Variants in KCNMA1 observed in about 807,000 individuals in gnomAD.
KCNMA1 encodes the protein potassium calcium-activated channel subfamily M alpha 1.
KCNMA1 carries 29 observed loss-of-function variants against 140.0 expected under a neutral mutation model. The ratio of observed to expected loss-of-function variants is 0.21; its 90% CI spans 0.15 to 0.28. KCNMA1 has a LOEUF of 0.28. Ranked by LOEUF, KCNMA1 falls within the 10% of genes least tolerant of loss-of-function variation. KCNMA1 has a pLI of 1.00. For synonymous variants in KCNMA1, 612 were observed against 611.9 expected, an observed-to-expected ratio of 1.00 and a Z score of 0.00; for missense variants, 880 against 1,602.2, an observed-to-expected ratio of 0.55 and a Z score of 7.70.
At chr10:77,432,081 T>A (rs2097167576) in intron 1 of KCNMA1, among the ~76,000 whole-genome samples, 1 of 152,092 alleles carries the variant, frequency 6.6e-6, no homozygotes, top group Non-Finnish European at 1.5e-5. Flanking sequence ...CTCTCACACC[T>A]GCAGGACTCC....
intron 14 of KCNMA1, among the ~76,000 whole-genome samples, chr10:77,067,548 AC>A (rs2096004747): frequency 6.6e-6 from 1 of 152,096 alleles, no homozygotes; most frequent in Non-Finnish European, 1.5e-5. Flanking sequence ...TCTGTAGAGA[AC>A]CCTAATATAC....
intron 2 of KCNMA1, among the ~76,000 whole-genome samples, chr10:77,344,856 C>T (rs1320945481): frequency 6.6e-6 from 1 of 152,026 alleles, no homozygotes; most frequent in African/African-American, 2.4e-5. Context: ...TTCCTGTCTC[C>T]GTTGGCCACA....
intron 5 of KCNMA1, among the ~76,000 whole-genome samples, chr10:77,157,381 CTTAT>C (rs1230012060): frequency 1.3e-5 from 2 of 152,276 alleles, no homozygotes; most frequent in Admixed American, 6.5e-5. Context: ...GTTTGTCTAA[CTTAT>C]TTACTTATCT....
intron 1 of KCNMA1, among the ~76,000 whole-genome samples, chr10:77,458,447 G>A (rs2097795278): frequency 6.6e-6 from 1 of 152,166 alleles, no homozygotes; most frequent in Non-Finnish European, 1.5e-5. Flanking sequence ...GCCTGGACAG[G>A]GAATGACTTC....
downstream of KCNMA1, among the ~76,000 whole-genome samples, chr10:76,881,043 G>C (rs537150668): frequency 6.6e-6 from 1 of 150,408 alleles, no homozygotes; most frequent in Non-Finnish European, 1.5e-5. Context: ...TCAGTCTGTG[G>C]CTGGGAGGGG....
At chr10:77,165,739 C>T (rs1040973942) in intron 5 of KCNMA1, among the ~76,000 whole-genome samples, 3 of 152,322 alleles carry the variant, frequency 2.0e-5, no homozygotes, top group African/African-American at 4.8e-5. Context: ...TAGCTATTCA[C>T]TTGACATTTG....
chr10:77,513,204 C>T (rs557737436), intron 1 of KCNMA1, among the ~76,000 whole-genome samples: 1 of 150,084 alleles, frequency 6.7e-6, no homozygotes, highest in South Asian at 2.1e-4. Context: ...AACAAGCAAG[C>T]TAATCCTTGC....
At chr10:76,937,927 T>TTG (rs34510105) in intron 23 of KCNMA1, among the ~76,000 whole-genome samples, 11,247 of 150,028 alleles carry the variant, frequency 0.075, 760 homozygotes, top group African/African-American at 0.18. Flanking sequence ...GTGTGTGTGT[T>TTG]TGTGTGTGTG....
intron 1 of KCNMA1, among the ~76,000 whole-genome samples, chr10:77,576,836 T>C (rs2673416): frequency 0.91 from 139,135 of 152,182 alleles, 63,744 homozygotes; most frequent in South Asian, 0.97. Context: ...GCTGGTAACC[T>C]GTCCAAGTCA....
At chr10:77,528,146 G>A (rs1358953728) in intron 1 of KCNMA1, among the ~76,000 whole-genome samples, 1 of 152,204 alleles carries the variant, frequency 6.6e-6, no homozygotes, top group Non-Finnish European at 1.5e-5. Context: ...CTGGCACAAG[G>A]TGTCTAGCCC....
At chr10:77,545,012 T>C (rs1433475969) in intron 1 of KCNMA1, among the ~76,000 whole-genome samples, 2 of 152,182 alleles carry the variant, frequency 1.3e-5, no homozygotes, top group Non-Finnish European at 2.9e-5. Flanking sequence ...AGGTGCAAAA[T>C]GTACCGAGAA....
At chr10:77,103,160 C>A (rs1386927074) in intron 9 of KCNMA1, among the ~76,000 whole-genome samples, 1 of 152,154 alleles carries the variant, frequency 6.6e-6, no homozygotes, top group Non-Finnish European at 1.5e-5. Flanking sequence ...AAAATATGAG[C>A]ATTTACAATA....
chr10:77,561,134 T>TG (rs2066251897), intron 1 of KCNMA1, among the ~76,000 whole-genome samples: 1 of 152,030 alleles, frequency 6.6e-6, no homozygotes, highest in Admixed American at 6.5e-5. Flanking sequence ...ACAACTTTTT[T>TG]TTTTTCCAAT....
chr10:76,986,588 C>A (rs992930354), intron 19 of KCNMA1, among the ~76,000 whole-genome samples: 2 of 152,134 alleles, frequency 1.3e-5, no homozygotes, highest in African/African-American at 4.8e-5. Flanking sequence ...TGTCAAGATT[C>A]GAGTTGGGGG....
At chr10:77,326,268 C>T (rs1052198960) in intron 2 of KCNMA1, among the ~76,000 whole-genome samples, 5 of 152,078 alleles carry the variant, frequency 3.3e-5, no homozygotes, top group Non-Finnish European at 7.4e-5. Flanking sequence ...GCTCAGGTTC[C>T]CCCACAAGTC....
Position 77,264,843 on chromosome 10 carries a change from T to C in KCNMA1, c.541-13587A>G, listed in dbSNP as rs190312955. Among the ~76,000 whole-genome samples, 15 of 152,258 alleles carry C rather than the reference T, an allele frequency of 9.9e-5. No individual in the cohort carries two copies. The East Asian group carries it at 2.7e-3, about 27-fold the overall frequency. On this transcript the variant is annotated intron_variant, in intron 2 of 27. Transcript: ENST00000286628. ...GAAGATCTTTATGTGCTAGAATAAA[T>C]TTCTCTTAACCTCCCACACCAGCCT...
At chr10:77,053,862 G>A (rs1160604772) in intron 14 of KCNMA1, among the ~76,000 whole-genome samples, 1 of 152,168 alleles carries the variant, frequency 6.6e-6, no homozygotes, top group Non-Finnish European at 1.5e-5. Flanking sequence ...AATACCATAA[G>A]CTCTTCCATT....
intron 1 of KCNMA1, among the ~76,000 whole-genome samples, chr10:77,422,637 G>GT (rs2096891746): frequency 6.6e-6 from 1 of 152,224 alleles, no homozygotes; most frequent in Non-Finnish European, 1.5e-5. Context: ...TGGAAAGAAG[G>GT]TCTTTGCAGA....
At chr10:77,293,052 G>C (rs967861942) in intron 2 of KCNMA1, among the ~76,000 whole-genome samples, 4 of 152,116 alleles carry the variant, frequency 2.6e-5, no homozygotes, top group African/African-American at 9.7e-5. Context: ...CAGGCAGAGG[G>C]AACAGTAGGT....
Sources: gnomAD v4.1 joint callset for allele counts (sites outside exome capture counted in the v4.1 genomes callset) on GRCh38, gnomAD v4.1.1 for gene constraint, MANE v1.5 for transcripts, NCBI Gene and HGNC (gene_info 2026-07-23, HGNC 2026-07-21) for gene names.